The following AMMECR1 variants were observed in gnomAD, a reference collection of about 807,000 sequenced individuals.
The protein encoded by AMMECR1 is nuclear protein AMMECR1.
AMMECR1 carries 3 observed loss-of-function variants against 22.5 expected under a neutral mutation model. That is an observed-to-expected ratio of 0.13 (90% CI 0.06 to 0.35). The LOEUF (loss-of-function observed/expected upper bound fraction) is 0.35. AMMECR1 is among the 10% of genes least tolerant of loss of function. The pLI is 1.00. For missense variants in AMMECR1, 235 were observed against 278.7 expected (o/e 0.84, Z 1.12); for synonymous variants, 130 against 116.7 (o/e 1.11, Z -0.74).
At chrX:110,204,200 T>C (rs927942861) in intron 3 of AMMECR1, among the ~76,000 whole-genome samples, 1 of 111,717 alleles carries the variant, frequency 9.0e-6, no homozygotes, top group African/African-American at 3.3e-5. Context: ...TTTTTTTTCC[T>C]TTGACAATAT....
chrX:110,216,313 G>A (rs952837152), intron 3 of AMMECR1, among the ~76,000 whole-genome samples: 11 of 111,432 alleles, frequency 9.9e-5, no homozygotes, highest in African/African-American at 3.3e-4. Context: ...ATTCAGTTTG[G>A]GGATTATAAC....
At chrX:110,366,662 A>T (rs1323344481) in intron 2 of AMMECR1, among the ~76,000 whole-genome samples, 2 of 111,527 alleles carry the variant, frequency 1.8e-5, no homozygotes, top group African/African-American at 6.5e-5. Flanking sequence ...TAGATTCCCT[A>T]GGCTCTCTCT....
chrX:110,310,638 C>T (rs1459807989), intron 1 of AMMECR1, among the ~76,000 whole-genome samples: 2 of 111,973 alleles, frequency 1.8e-5, no homozygotes, highest in Non-Finnish European at 3.8e-5. Flanking sequence ...AATAGCTAGG[C>T]ACAGAGCCAA....
At position 110,374,413 on chromosome X, in the gene AMMECR1, T is replaced by C. The variant is rs151246415; in HGVS notation, c.-148+52245A>G. On this transcript the variant is annotated intron_variant, in intron 2 of 7. Coordinates refer to the AMMECR1 transcript ENST00000372057. The stretch of plus-strand genomic sequence containing the variant: ...TAGTATTTCTCTCAATCTGGACATA[T>C]ATTTATTTTAGTACAGCCTGAGATT... 6.9e-3 allele frequency among the ~76,000 whole-genome samples: 770 copies of C among 112,081 alleles called. 2 individuals are homozygous for C. The highest frequency in any genetic ancestry group is 0.02 in the South Asian group (54 of 2,679).
intron 2 of AMMECR1, among the ~76,000 whole-genome samples, chrX:110,388,689 T>G (rs1405602584): frequency 8.9e-6 from 1 of 112,392 alleles, no homozygotes; most frequent in African/African-American, 3.2e-5. Context: ...TCTGGTTCAG[T>G]AGGTCTGAAG....
At chrX:110,412,396 A>T (rs1482307507) in intron 2 of AMMECR1, among the ~76,000 whole-genome samples, 2 of 112,427 alleles carry the variant, frequency 1.8e-5, no homozygotes, top group Non-Finnish European at 3.8e-5. Flanking sequence ...TTTATAATAC[A>T]TCCCAATAAT....
intron 2 of AMMECR1, among the ~76,000 whole-genome samples, chrX:110,379,067 T>C: frequency 8.9e-6 from 1 of 112,207 alleles, no homozygotes; most frequent in Admixed American, 9.4e-5. Flanking sequence ...AAATAAAGTT[T>C]GGAGACCTTT....
intron 2 of AMMECR1, among the ~76,000 whole-genome samples, chrX:110,388,058 G>A (rs935240221): frequency 2.7e-5 from 3 of 109,911 alleles, no homozygotes; most frequent in Admixed American, 9.6e-5. Flanking sequence ...TAGTAGAGAC[G>A]GGGTTTCATC....
At chrX:110,361,124 C>T (rs2068260668) in intron 2 of AMMECR1, among the ~76,000 whole-genome samples, 1 of 110,853 alleles carries the variant, frequency 9.0e-6, no homozygotes. Context: ...CCCAACAAAA[C>T]CTGCTGCACT....
intron 3 of AMMECR1, among the ~76,000 whole-genome samples, chrX:110,212,530 A>G (rs1027520962): frequency 8.9e-6 from 1 of 112,034 alleles, no homozygotes; most frequent in Non-Finnish European, 1.9e-5. Context: ...CTCATTATCT[A>G]TCTTCAACTT....
intron 1 of AMMECR1, among the ~76,000 whole-genome samples, chrX:110,300,850 GCTT>G (rs932536208): frequency 5.4e-5 from 6 of 111,536 alleles, no homozygotes; most frequent in Admixed American, 9.5e-5. Context: ...TTAGATAAAT[GCTT>G]CTTTCTTTCC....
At chrX:110,237,815 CAAT>C (rs934913633) in intron 2 of AMMECR1, among the ~76,000 whole-genome samples, 1 of 111,982 alleles carries the variant, frequency 8.9e-6, no homozygotes, top group Non-Finnish European at 1.9e-5. Context: ...AAATAATTAT[CAAT>C]GATGGAAAAC....
At chrX:110,274,817 T>G (rs1418518151) in intron 1 of AMMECR1, among the ~76,000 whole-genome samples, 1 of 112,150 alleles carries the variant, frequency 8.9e-6, no homozygotes, top group Non-Finnish European at 1.9e-5. Flanking sequence ...TACTGTAAGA[T>G]TAAATGAGTA....
chrX:110,280,921 A>G (rs189647702), intron 1 of AMMECR1, among the ~76,000 whole-genome samples: 35 of 112,229 alleles, frequency 3.1e-4, no homozygotes, highest in Non-Finnish European at 6.2e-4. Context: ...GTTTATCAAG[A>G]TCTCAGTTTT....
intron 1 of AMMECR1, among the ~76,000 whole-genome samples, chrX:110,292,011 C>G (rs1334185285): frequency 3.6e-5 from 4 of 112,153 alleles, no homozygotes; most frequent in Non-Finnish European, 5.6e-5. Context: ...GTACTGCTGT[C>G]TAGTTGATTA....
intron 2 of AMMECR1, among the ~76,000 whole-genome samples, chrX:110,392,061 C>T (rs755793204): frequency 8.9e-6 from 1 of 111,966 alleles, no homozygotes; most frequent in Non-Finnish European, 1.9e-5. Context: ...TCATGAATCA[C>T]GGATGAGTTT....
intron 2 of AMMECR1, among the ~76,000 whole-genome samples, chrX:110,374,323 G>A (rs12008552): frequency 0.026 from 2,883 of 111,502 alleles, 87 homozygotes; most frequent in African/African-American, 0.088. Context: ...TCTGGGCCAG[G>A]GTATATGCAC....
chrX:110,241,147 AC>A (rs772364597), intron 2 of AMMECR1, among the ~76,000 whole-genome samples: 272 of 111,777 alleles, frequency 2.4e-3, no homozygotes, highest in Non-Finnish European at 4.6e-3. Flanking sequence ...TAAAATTGAC[AC>A]CCCAACATCA....
chrX:110,202,881 C>A (rs1365539058), intron 3 of AMMECR1, among the ~76,000 whole-genome samples: 1 of 111,742 alleles, frequency 8.9e-6, no homozygotes, highest in Admixed American at 9.5e-5. Context: ...GAACTAGAGA[C>A]AAAGGTGACT....
Sources: gnomAD v4.1 joint callset for allele counts (sites outside exome capture counted in the v4.1 genomes callset) on GRCh38, gnomAD v4.1.1 for gene constraint, MANE v1.5 for transcripts, NCBI Gene and HGNC (gene_info 2026-07-23, HGNC 2026-07-21) for gene names.